Variants in CCR7 observed in about 807,000 individuals in gnomAD.
CCR7 encodes C-C chemokine receptor type 7.
A neutral mutation model predicts 26.0 loss-of-function variants in CCR7; 11 were observed. The observed-to-expected ratio is 0.42, with a 90% CI of 0.27 to 0.70. The LOEUF is 0.70. Ranked by LOEUF, CCR7 falls within the 30% of genes least tolerant of loss-of-function variation. CCR7 has a pLI of 0.23. For synonymous variants in CCR7, 189 were observed against 202.1 expected, an observed-to-expected ratio of 0.94 and a Z score of 0.55; for missense variants, 360 against 504.0, an observed-to-expected ratio of 0.71 and a Z score of 2.74.
chr17:40,557,277 T>C lies in CCR7; in HGVS notation c.61-1459A>G, dbSNP rs531182181. On this transcript the variant is annotated intron_variant, in intron 2 of 2. Transcript: ENST00000246657. ...GCCTCTGCGCACAGCGATGGACGGG[T>C]TTGTGCAGGGCAGGGAGCTGGGCTG... Among the ~76,000 whole-genome samples, 628 of 152,106 alleles carry C rather than the reference T, an allele frequency of 4.1e-3. 8 individuals carry two copies. Among genetic ancestry groups the C allele is most frequent in the African/African-American group, 0.014 (563 of 41,486 alleles).
chr17:40,557,130 G>A (rs957561983), intron 2 of CCR7, among the ~76,000 whole-genome samples: 4 of 152,262 alleles, frequency 2.6e-5, no homozygotes, highest in Non-Finnish European at 5.9e-5. Flanking sequence ...CATCTCTTCC[G>A]GCAGATCCCA....
chr17:40,564,998 C>T (rs1442319172), intron 1 of CCR7, among the ~76,000 whole-genome samples: 1 of 152,132 alleles, frequency 6.6e-6, no homozygotes, highest in Non-Finnish European at 1.5e-5. Context: ...GTCCTAAGCT[C>T]TCTAGGGAGA....
chr17:40,561,956 A>G (rs1273722442), intron 1 of CCR7, among the ~76,000 whole-genome samples: 1 of 152,128 alleles, frequency 6.6e-6, no homozygotes, highest in African/African-American at 2.4e-5. Flanking sequence ...GAGATAATTC[A>G]TATTCACTGA....
intron 1 of CCR7, among the ~76,000 whole-genome samples, chr17:40,564,223 C>T (rs951377964): frequency 3.3e-5 from 5 of 152,270 alleles, no homozygotes; most frequent in East Asian, 3.9e-4. Context: ...TCATTCATTC[C>T]GCAGACATTT....
At chr17:40,557,105 CCT>C (rs2036595770) in intron 2 of CCR7, among the ~76,000 whole-genome samples, 1 of 152,228 alleles carries the variant, frequency 6.6e-6, no homozygotes, top group African/African-American at 2.4e-5. Context: ...CACCTCTCTG[CCT>C]CTCTCTTCCT....
In CCR7 at chr17:40,565,277, A is replaced by G. The variant is rs1311525389; in HGVS notation, c.10+123T>C. ...AGCTTCCAATGCCCACCAAATCAGA[A>G]CTGATTTCTCCAGGAAGCACCCCTA... On this transcript the variant is annotated intron_variant, in intron 1 of 2. Coordinates refer to ENST00000246657, the MANE Select transcript of CCR7 (RefSeq NM_001838.4). The G allele has an allele frequency of 9.1e-6, 8 of 876,608 alleles. No homozygotes were observed. In the Admixed American group the frequency reaches 1.2e-4, roughly 13 times the overall value. The allele number at this position is 876,608 out of a possible 1,614,324, so 54.3% of individuals were successfully genotyped here.
chr17:40,555,204 C>A lies in CCR7; in HGVS notation c.675G>T (p.Val225=). ...CCAGAAAGCCGATCACCATCTGGGCCACCTGGATGGTGATAAAGGCCTCCA... is the reference window on the plus strand; with the variant it reads ...CCAGAAAGCCGATCACCATCTGGGCAACCTGGATGGTGATAAAGGCCTCCA... ...EHVEAFITIQ[V]AQMVIGFLVP... is the part of the protein sequence containing the mutation. Residue 225 remains valine, a synonymous_variant, in exon 3 of 3, where the codon GTG becomes GTT. Coordinates refer to ENST00000246657, the MANE Select transcript of CCR7 (RefSeq NM_001838.4). This position sits in a 1 kb window ranked among gnomAD's most constrained non-coding sequence, Gnocchi z 5.6. The A allele has an allele frequency of 6.2e-7, 1 of 1,614,136 alleles. No individual in the cohort carries two copies.
chr17:40,564,542 A>G (rs908829704), intron 1 of CCR7, among the ~76,000 whole-genome samples: 5 of 152,184 alleles, frequency 3.3e-5, no homozygotes, highest in Non-Finnish European at 7.3e-5. Flanking sequence ...GTCTGACTCC[A>G]CAGCTGAGAT....
chr17:40,555,862 T>G lies in CCR7; in HGVS notation c.61-44A>C. On this transcript the variant is annotated intron_variant, in intron 2 of 2. Transcript: ENST00000246657. This position sits in a 1 kb window ranked among gnomAD's most constrained non-coding sequence, Gnocchi z 5.6. Reference sequence around the variant, plus strand: ...GGGAAAACAGGCCAGTTTAGCTGGGTGGCTCCAACTCTGGCTGGGATTTAG... The same window carrying G: ...GGGAAAACAGGCCAGTTTAGCTGGGGGGCTCCAACTCTGGCTGGGATTTAG... 7.3e-7 allele frequency: 1 copy of G among 1,374,840 alleles called. No individual in the cohort carries two copies. The highest frequency in any genetic ancestry group is 1.0e-6 in the Non-Finnish European group (1 of 976,024). The allele number at this position is 1,374,840 out of a possible 1,614,324, so 85.2% of individuals were successfully genotyped here.
Position 40,558,885 on chromosome 17 carries a change from A to C in CCR7, c.60+8T>G. 1.2e-6 allele frequency: 2 copies of C among 1,613,238 alleles called. No homozygotes were observed. Among genetic ancestry groups the C allele is most frequent in the Non-Finnish European group, 1.7e-6 (2 of 1,179,300 alleles). On this transcript the variant is annotated splice_region_variant and intron_variant, in intron 2 of 2. Transcript: ENST00000246657. Reference sequence around the variant, plus strand: ...GGGAACAGAGCTTTCCTTGGCAGAGAACCTCACCTGGAAAATGACAAGGAG... The same window carrying C: ...GGGAACAGAGCTTTCCTTGGCAGAGCACCTCACCTGGAAAATGACAAGGAG...
chr17:40,561,108 A>C (rs2036651038), intron 1 of CCR7: 2 of 152,364 alleles, frequency 1.3e-5, no homozygotes, highest in Non-Finnish European at 2.9e-5. Flanking sequence ...AGAAACCTCA[A>C]AGTTTTGATA....
chr17:40,555,177 G>A lies in CCR7; in HGVS notation c.702C>T (p.Val234=). 6.2e-7 allele frequency: 1 copy of A among 1,614,154 alleles called. No individual in the cohort carries two copies. Among genetic ancestry groups the A allele is most frequent in the Non-Finnish European group, 8.5e-7 (1 of 1,180,022 alleles). The change falls in exon 3 of 3, where the codon GTC becomes GTT. Residue 234 remains valine (V), a synonymous_variant. Transcript: ENST00000246657. This position sits in a 1 kb window ranked among gnomAD's most constrained non-coding sequence, Gnocchi z 5.6. ...AACAGAAGCTCATGGCCAGCAGGGGGACCAGAAAGCCGATCACCATCTGGG... is the reference window on the plus strand; with the variant it reads ...AACAGAAGCTCATGGCCAGCAGGGGAACCAGAAAGCCGATCACCATCTGGG... ...QVAQMVIGFL[V]PLLAMSFCYL... is the part of the protein sequence containing the mutation.
At chr17:40,563,667 C>T (rs1369847134) in intron 1 of CCR7, among the ~76,000 whole-genome samples, 5 of 152,172 alleles carry the variant, frequency 3.3e-5, no homozygotes, top group Non-Finnish European at 7.3e-5. Flanking sequence ...GCGGCTTCCC[C>T]TCCTACCAGT....
At chr17:40,563,339 T>C (rs2036673366) in intron 1 of CCR7, among the ~76,000 whole-genome samples, 1 of 152,146 alleles carries the variant, frequency 6.6e-6, no homozygotes, top group Non-Finnish European at 1.5e-5. Context: ...GCATCCCCCT[T>C]TGCCACCATT....
At chr17:40,560,209 C>T (rs902839275) in intron 1 of CCR7, among the ~76,000 whole-genome samples, 5 of 152,200 alleles carry the variant, frequency 3.3e-5, no homozygotes, top group African/African-American at 1.2e-4. Flanking sequence ...GATGTTTTAG[C>T]TTACCTACAA....
Position 40,555,536 on chromosome 17 carries a change from C to A in CCR7, c.343G>T (p.Ala115Ser), listed in dbSNP as rs536242338. 6 of 1,614,016 alleles carry A rather than the reference C, an allele frequency of 3.7e-6. No homozygotes were observed. The African/African-American group carries it at 8.0e-5, about 22-fold the overall frequency. ...ILFLLTLPFW[A>S]YSAAKSWVFG... The stretch of plus-strand genomic sequence containing the variant: ...ACCCAGGACTTGGCCGCGCTGTAGG[C>A]CCAGAAGGGAAGGGTCAGGAGGAAG... The change falls in exon 3 of 3, where the codon GCC becomes TCC. Residue 115 changes from alanine to serine, a missense_variant. By Grantham distance (99) the Ala-to-Ser change is moderately conservative (BLOSUM62 1). Transcript: ENST00000246657. This position sits in a 1 kb window ranked among gnomAD's most constrained non-coding sequence, Gnocchi z 5.6.
At chr17:40,564,361 A>C (rs183947880) in intron 1 of CCR7, among the ~76,000 whole-genome samples, 92 of 152,288 alleles carry the variant, frequency 6.0e-4, no homozygotes, top group African/African-American at 2.2e-3. Context: ...CAGGCGGGAA[A>C]GTAAGAGATG....
At chr17:40,562,186 G>C (rs1030441577) in intron 1 of CCR7, among the ~76,000 whole-genome samples, 21 of 152,168 alleles carry the variant, frequency 1.4e-4, no homozygotes, top group Non-Finnish European at 3.1e-4. Context: ...CGGCCACTGG[G>C]TCTGTATGTG....
Position 40,555,162 on chromosome 17 carries a change from C to T in CCR7, c.717G>A (p.Met239Ile), listed in dbSNP as rs781540430. The change falls in exon 3 of 3, where the codon ATG (methionine) becomes ATA (isoleucine). Residue 239 changes from methionine (M) to isoleucine (I), a missense_variant. Physicochemically the swap from Met to Ile is conservative, Grantham distance 10. Coordinates refer to ENST00000246657, the MANE Select transcript of CCR7 (RefSeq NM_001838.4). The surrounding 1 kb of genome is among the most constrained non-coding windows in gnomAD (Gnocchi z 5.6). ...VIGFLVPLLA[M>I]SFCYLVIIRT... ...GGATGATGACAAGGTAACAGAAGCT[C>T]ATGGCCAGCAGGGGGACCAGAAAGC... 3 of 1,614,070 alleles carry T rather than the reference C, an allele frequency of 1.9e-6. No individual in the cohort carries two copies. The highest frequency in any genetic ancestry group is 1.3e-5 in the African/African-American group (1 of 74,926).
Sources: allele counts gnomAD v4.1 joint callset (sites outside exome capture counted in the v4.1 genomes callset), GRCh38; gene constraint gnomAD v4.1.1; non-coding constraint Gnocchi (gnomAD v3.1); transcripts MANE v1.5; gene names NCBI Gene and HGNC (gene_info 2026-07-23, HGNC 2026-07-21).